Variants in FARS2 observed in about 807,000 individuals in gnomAD.
FARS2 encodes phenylalanine--tRNA ligase, mitochondrial.
A neutral mutation model predicts 46.4 loss-of-function variants in FARS2; 40 were observed. That is an observed-to-expected ratio of 0.86 (90% CI 0.67 to 1.12). The LOEUF is 1.12. FARS2 is among the 50% of genes most tolerant of loss of function. The pLI is 0.00. For synonymous variants in FARS2, 234 were observed against 214.9 expected (o/e 1.09, Z -0.78); for missense variants, 513 against 567.9 (o/e 0.90, Z 0.98).
Position 5,404,624 on chromosome 6 carries a change from C to G in FARS2, c.695C>G (p.Thr232Ser), listed in dbSNP as rs1761449447. Residue 232 changes from threonine (T) to serine (S), a missense_variant, in exon 3 of 7, where the codon ACC becomes AGC. Transcript: ENST00000274680. ...SRSAHKQETH[T>S]MEAVKLVEFD... The stretch of plus-strand genomic sequence containing the variant: ...TCTGCGCATAAACAAGAGACACACA[C>G]CATGGAGGCCGTGAAGCTTGTAGAG... The G allele has an allele frequency of 6.2e-7, 1 of 1,613,326 alleles. No homozygotes were observed. The highest frequency in any genetic ancestry group is 8.5e-7 in the Non-Finnish European group (1 of 1,179,506).
chr6:5,466,228 T>C (rs1344984760), intron 4 of FARS2, among the ~76,000 whole-genome samples: 1 of 152,238 alleles, frequency 6.6e-6, no homozygotes, highest in Non-Finnish European at 1.5e-5. Flanking sequence ...AGATTTAATT[T>C]GCTTCTCATC....
At chr6:5,705,033 C>T (rs984034147) in intron 6 of FARS2, among the ~76,000 whole-genome samples, 12 of 152,090 alleles carry the variant, frequency 7.9e-5, no homozygotes, top group African/African-American at 2.4e-4. Context: ...TAATATAAAA[C>T]ACAGCCATCT....
chr6:5,728,129 T>C (rs1292730187), intron 6 of FARS2, among the ~76,000 whole-genome samples: 1 of 152,190 alleles, frequency 6.6e-6, no homozygotes, highest in East Asian at 1.9e-4. Context: ...AGTGTCTGCC[T>C]CCTTTGTTCA....
At chr6:5,697,876 C>A (rs1442686142) in intron 6 of FARS2, among the ~76,000 whole-genome samples, 2 of 151,874 alleles carry the variant, frequency 1.3e-5, no homozygotes, top group African/African-American at 2.4e-5. Context: ...AACTTAAAAG[C>A]AACACTTGTT....
chr6:5,353,173 C>A (rs1226246700), intron 1 of FARS2, among the ~76,000 whole-genome samples: 1 of 152,094 alleles, frequency 6.6e-6, no homozygotes, highest in Non-Finnish European at 1.5e-5. Context: ...CTTTCTGTGT[C>A]TTTCATTTCG....
At chr6:5,760,322 C>T (rs563807394) in intron 6 of FARS2, among the ~76,000 whole-genome samples, 17 of 152,200 alleles carry the variant, frequency 1.1e-4, no homozygotes, top group Non-Finnish European at 1.6e-4. Context: ...CTCTTAATAC[C>T]ATATGGGTGA....
intron 1 of FARS2, among the ~76,000 whole-genome samples, chr6:5,367,379 G>T (rs1182303897): frequency 6.6e-6 from 1 of 152,102 alleles, no homozygotes; most frequent in African/African-American, 2.4e-5. Flanking sequence ...GTTTGTGAAT[G>T]TAAATTATTT....
intron 4 of FARS2, among the ~76,000 whole-genome samples, chr6:5,474,687 G>T (rs1304623759): frequency 2.3e-5 from 3 of 128,208 alleles, no homozygotes; most frequent in African/African-American, 3.0e-5. Context: ...TTTTGAGACA[G>T]TCTCACTCTG....
intron 4 of FARS2, among the ~76,000 whole-genome samples, chr6:5,510,596 G>A (rs76473800): frequency 0.013 from 1,935 of 152,338 alleles, 32 homozygotes; most frequent in African/African-American, 0.044. Flanking sequence ...GTTTGTGTGC[G>A]GAGCCTGTGT....
chr6:5,359,584 G>A lies in FARS2; in HGVS notation c.-21-8966G>A, dbSNP rs78445878. Among the ~76,000 whole-genome samples the A allele has an allele frequency of 6.8e-3, 1,032 of 152,302 alleles. 34 individuals carry two copies. Among genetic ancestry groups the A allele is most frequent in the Admixed American group, 0.045 (690 of 15,306 alleles). On this transcript the variant is annotated intron_variant, in intron 1 of 6. Coordinates refer to ENST00000274680, the MANE Select transcript of FARS2 (RefSeq NM_006567.5). Reference sequence around the variant, plus strand: ...CTCTTCATGCAGTTGCCAAGTGCTTGTATAATTGTCTTGACAAATGGCATA... The same window carrying A: ...CTCTTCATGCAGTTGCCAAGTGCTTATATAATTGTCTTGACAAATGGCATA...
At chr6:5,570,545 T>C (rs1397081321) in intron 5 of FARS2, among the ~76,000 whole-genome samples, 1 of 152,218 alleles carries the variant, frequency 6.6e-6, no homozygotes, top group Non-Finnish European at 1.5e-5. Flanking sequence ...GAGTTTCTTA[T>C]TATTCTCACC....
At chr6:5,767,064 ATTTTTT>A (rs917210975) in intron 6 of FARS2, among the ~76,000 whole-genome samples, 1 of 150,554 alleles carries the variant, frequency 6.6e-6, no homozygotes, top group African/African-American at 2.4e-5. Context: ...TCCAAAAAAA[ATTTTTT>A]TTTCAGACTG....
chr6:5,605,575 C>T (rs889217944), intron 5 of FARS2, among the ~76,000 whole-genome samples: 1 of 152,208 alleles, frequency 6.6e-6, no homozygotes, highest in African/African-American at 2.4e-5. Context: ...AACCTCTGAG[C>T]AGGGAGGGTG....
intron 5 of FARS2, among the ~76,000 whole-genome samples, chr6:5,585,477 C>G (rs1773563172): frequency 1.3e-5 from 2 of 151,980 alleles, no homozygotes; most frequent in African/African-American, 4.8e-5. Context: ...TCCCCATTCC[C>G]CCACCCCCAT....
At chr6:5,295,333 G>A (rs1767780532) in intron 1 of FARS2, among the ~76,000 whole-genome samples, 1 of 152,150 alleles carries the variant, frequency 6.6e-6, no homozygotes, top group Non-Finnish European at 1.5e-5. Flanking sequence ...TAGTGATGAT[G>A]ATTTGTGTTA....
chr6:5,524,256 G>A (rs1306832062), intron 4 of FARS2, among the ~76,000 whole-genome samples: 1 of 152,218 alleles, frequency 6.6e-6, no homozygotes, highest in East Asian at 1.9e-4. Context: ...GGAAGAGGAT[G>A]TGTGCTGGGT....
intron 1 of FARS2, among the ~76,000 whole-genome samples, chr6:5,273,556 G>C (rs1359262178): frequency 6.6e-6 from 1 of 151,970 alleles, no homozygotes; most frequent in African/African-American, 2.4e-5. Flanking sequence ...ATATATTCTG[G>C]TTATTAATCC....
At chr6:5,567,212 T>C (rs1242335177) in intron 5 of FARS2, among the ~76,000 whole-genome samples, 1 of 152,202 alleles carries the variant, frequency 6.6e-6, no homozygotes, top group East Asian at 1.9e-4. Context: ...ATCCTAATGG[T>C]GTGAGGTGGT....
Position 5,368,999 on chromosome 6 carries a change from C to A in FARS2, c.429C>A (p.Asn143Lys). 6.2e-7 allele frequency: 1 copy of A among 1,614,176 alleles called. No homozygotes were observed. The highest frequency in any genetic ancestry group is 8.5e-7 in the Non-Finnish European group (1 of 1,180,030). The change falls in exon 2 of 7, where the codon AAC becomes AAA. Residue 143 changes from asparagine (N) to lysine (K), a missense_variant. Coordinates refer to ENST00000274680, the MANE Select transcript of FARS2 (RefSeq NM_006567.5). ...ACCCCAGCAGGAAGAAGGGGGACAA[C>A]TATTACCTGAATCGGACTCACATGC... is the stretch of plus-strand genomic sequence containing the variant. ...ADHPSRKKGD[N>K]YYLNRTHMLR...
Sources: allele counts gnomAD v4.1 joint callset (sites outside exome capture counted in the v4.1 genomes callset), GRCh38; gene constraint gnomAD v4.1.1; transcripts MANE v1.5; gene names NCBI Gene and HGNC (gene_info 2026-07-23, HGNC 2026-07-21).